MYBPC1: variants seen among roughly 807,000 people sequenced by gnomAD.
The protein encoded by MYBPC1 is myosin-binding protein C, slow-type.
MYBPC1 carries 52 observed loss-of-function variants against 147.1 expected under a neutral mutation model. The ratio of observed to expected loss-of-function variants is 0.35; its 90% CI spans 0.28 to 0.45. The LOEUF (loss-of-function observed/expected upper bound fraction) is 0.45, where lower values mean the gene tolerates loss of function less well. MYBPC1 is among the 20% of genes least tolerant of loss of function. The pLI is 1.00. For synonymous variants in MYBPC1, 477 were observed against 475.9 expected (o/e 1.00, Z -0.03); for missense variants, 1,228 against 1,440.3 (o/e 0.85, Z 2.39).
At chr12:101,612,511 C>T (rs1004673845) in intron 1 of MYBPC1, among the ~76,000 whole-genome samples, 7 of 152,142 alleles carry the variant, frequency 4.6e-5, no homozygotes, top group African/African-American at 9.7e-5. Flanking sequence ...CCATGAACAA[C>T]GGCTTTGAAT....
chr12:101,688,279 C>A (rs370749280), downstream of MYBPC1, among the ~76,000 whole-genome samples: 119 of 152,108 alleles, frequency 7.8e-4, 1 homozygote, highest in African/African-American at 2.8e-3. Context: ...ATTAGTTGGG[C>A]GTGGTGGCAC....
Position 101,685,808 on chromosome 12 carries a change from AGAG to A in MYBPC1, c.*247_*249del. 3 of 551,434 alleles carry A rather than the reference AGAG, an allele frequency of 5.4e-6. No homozygotes were observed. Among genetic ancestry groups the A allele is most frequent in the Admixed American group, 8.2e-5 (2 of 24,404 alleles). 34.2% of individuals were successfully genotyped at this position (551,434 alleles called of 1,614,324 possible). ...TCTTTTTCTTTCCTCCTAATGTTGAAGAGAAAAAAAAAAAAAAAAGTTTGCCCA... is the reference window on the plus strand; with the variant it reads ...TCTTTTTCTTTCCTCCTAATGTTGAAAAAAAAAAAAAAAAAAGTTTGCCCA... On this transcript the variant is annotated 3_prime_UTR_variant, in exon 32 of 32. Transcript: ENST00000361466.
intron 5 of MYBPC1, chr12:101,628,987 A>C (rs779193610): frequency 1.1e-4 from 25 of 237,454 alleles, no homozygotes; most frequent in Non-Finnish European, 1.7e-4. Flanking sequence ...CTTGTCAGAC[A>C]GTTTACCCTC....
At position 101,661,141 on chromosome 12, in the gene MYBPC1, T is replaced by C. The variant is rs1341869749; in HGVS notation, c.1928-17T>C. The C allele has an allele frequency of 6.3e-7, 1 of 1,579,760 alleles. No homozygotes were observed. The highest frequency in any genetic ancestry group is 1.7e-5 in the Admixed American group (1 of 59,810). On this transcript the variant is annotated splice_polypyrimidine_tract_variant and intron_variant, in intron 19 of 31. Transcript: ENST00000361466. ...CTCTTCCTTATTTTACTTTATCCTA[T>C]TTTTTGTCTGCCACAGACTTCCCTG...
At chr12:101,663,018 G>C (rs1414406772) in intron 21 of MYBPC1, among the ~76,000 whole-genome samples, 3 of 151,260 alleles carry the variant, frequency 2.0e-5, no homozygotes, top group Non-Finnish European at 4.4e-5. Context: ...AGTTAGTTCA[G>C]TGAAGGCAAA....
At chr12:101,609,719 G>A (rs1446574026) in intron 1 of MYBPC1, among the ~76,000 whole-genome samples, 2 of 152,218 alleles carry the variant, frequency 1.3e-5, no homozygotes, top group Non-Finnish European at 2.9e-5. Context: ...TGCAGAGTGA[G>A]TTGGTTCAAT....
intron 23 of MYBPC1, chr12:101,669,987 C>T (rs904393539): frequency 4.8e-6 from 2 of 419,156 alleles, no homozygotes; most frequent in African/African-American, 4.1e-5. Context: ...TGTATAAGGC[C>T]CTAAGAGAAA....
intron 1 of MYBPC1, among the ~76,000 whole-genome samples, chr12:101,599,732 C>A (rs1340387040): frequency 1.3e-5 from 2 of 152,084 alleles, no homozygotes; most frequent in African/African-American, 4.8e-5. Flanking sequence ...CAATTGTTTC[C>A]CTTTTGACTT....
intron 1 of MYBPC1, among the ~76,000 whole-genome samples, chr12:101,602,988 G>A (rs996527571): frequency 6.6e-6 from 1 of 152,156 alleles, no homozygotes; most frequent in African/African-American, 2.4e-5. Flanking sequence ...TTACCCTACA[G>A]AGTTGAACAA....
At position 101,651,346 on chromosome 12, in the gene MYBPC1, C is replaced by A; in HGVS notation, c.1479C>A (p.Gly493=). The A allele has an allele frequency of 1.2e-6, 2 of 1,614,090 alleles. No individual in the cohort carries two copies. The highest frequency in any genetic ancestry group is 1.7e-6 in the Non-Finnish European group (2 of 1,179,988). ...TACCAGGAAAATGGACTAAAAATGGCCTACCTGTTCAGGAGAGTGACCGTC... is the reference window on the plus strand; with the variant it reads ...TACCAGGAAAATGGACTAAAAATGGACTACCTGTTCAGGAGAGTGACCGTC... ...ENIPGKWTKN[G]LPVQESDRLK... is the part of the protein sequence containing the mutation. Residue 493 remains glycine, a synonymous_variant, in exon 16 of 32, where the codon GGC becomes GGA. Coordinates refer to ENST00000361466, the MANE Select transcript of MYBPC1 (RefSeq NM_002465.4).
Position 101,663,532 on chromosome 12 carries a change from C to A in MYBPC1, c.2328C>A (p.Gly776=), listed in dbSNP as rs1459220168. The part of the protein sequence containing the change: ...PDHIGAAGLD[G]YVLEYCFEGT... ...ACATTGGTGCAGCAGGTTTAGATGG[C>A]TATGTGCTAGAGTATTGCTTTGAAG... is the stretch of plus-strand genomic sequence containing the variant. Residue 776 remains glycine, a synonymous_variant, in exon 22 of 32, where the codon GGC becomes GGA. Coordinates refer to ENST00000361466, the MANE Select transcript of MYBPC1 (RefSeq NM_002465.4). The A allele has an allele frequency of 6.2e-7, 1 of 1,614,066 alleles. No homozygotes were observed. Among genetic ancestry groups the A allele is most frequent in the Admixed American group, 1.7e-5 (1 of 60,014 alleles).
chr12:101,661,930 T>C (rs1044187132), intron 20 of MYBPC1, among the ~76,000 whole-genome samples: 1 of 61,128 alleles, frequency 1.6e-5, no homozygotes, highest in African/African-American at 5.1e-5. Context: ...GAAAAAATAT[T>C]TAAATGCTTA....
chr12:101,687,018 A>G (rs969010831), downstream of MYBPC1, among the ~76,000 whole-genome samples: 1 of 152,080 alleles, frequency 6.6e-6, no homozygotes, highest in African/African-American at 2.4e-5. Flanking sequence ...ATCCCTGTGT[A>G]AACACCAATT....
intron 3 of MYBPC1, among the ~76,000 whole-genome samples, chr12:101,620,107 C>T (rs1887039328): frequency 6.6e-6 from 1 of 152,126 alleles, no homozygotes; most frequent in African/African-American, 2.4e-5. Flanking sequence ...TAATACTGAC[C>T]ACTTTGTCCT....
At chr12:101,606,125 C>A (rs1038794535) in intron 1 of MYBPC1, among the ~76,000 whole-genome samples, 1 of 148,242 alleles carries the variant, frequency 6.7e-6, no homozygotes, top group East Asian at 2.1e-4. Context: ...CTGGGGAGAT[C>A]GAGGCTGCAG....
At position 101,620,794 on chromosome 12, in the gene MYBPC1, CATCTTATT is replaced by C. The variant is rs199751118; in HGVS notation, c.103+3553_103+3560del. 4.0e-3 allele frequency among the ~76,000 whole-genome samples: 610 copies of C among 152,260 alleles called. 1 individual carries two copies. In the Middle Eastern group the frequency reaches 0.041, roughly 10 times the overall value. ...CCTAAGTGCTGATATTTTATTTTTACATCTTATTAGCTTAGAGTCTGTATCTTTTCAAT... is the reference window on the plus strand; with the variant it reads ...CCTAAGTGCTGATATTTTATTTTTACAGCTTAGAGTCTGTATCTTTTCAAT... On this transcript the variant is annotated intron_variant, in intron 3 of 31. Transcript: ENST00000361466.
intron 24 of MYBPC1, among the ~76,000 whole-genome samples, chr12:101,671,330 C>G (rs918197896): frequency 3.7e-5 from 2 of 53,792 alleles, no homozygotes; most frequent in African/African-American, 9.3e-5. Context: ...CACACACACA[C>G]ACACACACTC....
At position 101,677,431 on chromosome 12, in the gene MYBPC1, T is replaced by G. The variant is rs942686081; in HGVS notation, c.3109+37T>G. 5 of 1,612,176 alleles carry G rather than the reference T, an allele frequency of 3.1e-6. No homozygotes were observed. In the East Asian group the frequency reaches 1.1e-4, roughly 36 times the overall value. On this transcript the variant is annotated intron_variant, in intron 27 of 31. Transcript: ENST00000361466. ...ATGGACTGACATTTGAAAACCTTGG[T>G]TGACAGTGACCAGACAGAGAAGACT...
intron 1 of MYBPC1, among the ~76,000 whole-genome samples, chr12:101,599,385 C>T (rs1212924595): frequency 6.6e-6 from 1 of 151,968 alleles, no homozygotes; most frequent in Admixed American, 6.6e-5. Flanking sequence ...CTAGAGATTT[C>T]ATCACATTTT....
Sources: gnomAD v4.1 joint callset for allele counts (sites outside exome capture counted in the v4.1 genomes callset) on GRCh38, gnomAD v4.1.1 for gene constraint, MANE v1.5 for transcripts, NCBI Gene and HGNC (gene_info 2026-07-23, HGNC 2026-07-21) for gene names.